TLN2: variants seen among roughly 807,000 people sequenced by gnomAD.
TLN2 encodes the protein talin-2.
TLN2 carries 118 observed loss-of-function variants against 294.7 expected under a neutral mutation model. The observed-to-expected ratio is 0.40, with a 90% CI of 0.34 to 0.47. TLN2 has a LOEUF of 0.47. Ranked by LOEUF, TLN2 falls within the 20% of genes least tolerant of loss-of-function variation. The pLI is 0.84. For missense variants in TLN2, 3,083 were observed against 3,282.2 expected (o/e 0.94, Z 1.48); for synonymous variants, 1,431 against 1,304.5 (o/e 1.10, Z -2.09).
chr15:62,421,519 T>G (rs955461250), intron 1 of TLN2, among the ~76,000 whole-genome samples: 1 of 152,174 alleles, frequency 6.6e-6, no homozygotes, highest in African/African-American at 2.4e-5. Context: ...ATCATGTCCT[T>G]TGCAGGAACA....
chr15:62,606,838 G>C (rs1346662779), intron 2 of TLN2, among the ~76,000 whole-genome samples: 1 of 152,156 alleles, frequency 6.6e-6, no homozygotes, highest in South Asian at 2.1e-4. Flanking sequence ...GTGTAGTGTG[G>C]AGTGAAGTGA....
chr15:62,648,345 C>T (rs1596486410), intron 4 of TLN2, among the ~76,000 whole-genome samples: 1 of 135,774 alleles, frequency 7.4e-6, no homozygotes, highest in Non-Finnish European at 1.5e-5. Flanking sequence ...TTTATGGCTG[C>T]AGCAAGCCAT....
chr15:62,719,664 G>A lies in TLN2; in HGVS notation c.2878-103G>A, dbSNP rs2060002751. ...AAGGTCTGGGGCTGGCGTCCCCTGG[G>A]AGTAGATGGCACATCCAAAAAGCGC... On this transcript the variant is annotated intron_variant, in intron 24 of 58. Coordinates refer to ENST00000636159, the MANE Select transcript of TLN2 (RefSeq NM_015059.3). 3 of 869,468 alleles carry A rather than the reference G, an allele frequency of 3.5e-6. No individual in the cohort carries two copies. The Admixed American group carries it at 8.9e-5, about 26-fold the overall frequency. 53.9% of individuals were successfully genotyped at this position (869,468 alleles called of 1,614,324 possible). A position where few individuals can be genotyped will look rare whatever the true frequency, so the allele number is the denominator to read the frequency against.
At chr15:62,822,699 G>A (rs1037152060) in intron 54 of TLN2, among the ~76,000 whole-genome samples, 9 of 152,156 alleles carry the variant, frequency 5.9e-5, no homozygotes, top group Non-Finnish European at 1.0e-4. Context: ...GCTACTCCTC[G>A]AAGGAATATT....
At chr15:62,505,833 G>C (rs545886426) in intron 1 of TLN2, among the ~76,000 whole-genome samples, 10 of 152,132 alleles carry the variant, frequency 6.6e-5, no homozygotes, top group Admixed American at 1.3e-4. Flanking sequence ...TATGATGGGG[G>C]GCGGACGGGG....
Position 62,841,038 on chromosome 15 carries a change from A to G in TLN2, c.*428A>G, listed in dbSNP as rs1401218977. 2.0e-5 allele frequency: 3 copies of G among 153,720 alleles called. No individual in the cohort carries two copies. The highest frequency in any genetic ancestry group is 4.4e-5 in the Non-Finnish European group (3 of 68,904). 9.5% of individuals were successfully genotyped at this position (153,720 alleles called of 1,614,324 possible). A position where few individuals can be genotyped will look rare whatever the true frequency, so the allele number is the denominator to read the frequency against. On this transcript the variant is annotated 3_prime_UTR_variant, in exon 59 of 59. Coordinates refer to ENST00000636159, the MANE Select transcript of TLN2 (RefSeq NM_015059.3). Reference sequence around the variant, plus strand: ...ATATTCTTCTTCCTCTCAGGAGAAGACGGAAGCTGGAGTTGGACATGGTTC... The same window carrying G: ...ATATTCTTCTTCCTCTCAGGAGAAGGCGGAAGCTGGAGTTGGACATGGTTC...
chr15:62,471,217 G>A (rs2037453982), intron 1 of TLN2, among the ~76,000 whole-genome samples: 1 of 152,160 alleles, frequency 6.6e-6, no homozygotes, highest in African/African-American at 2.4e-5. Context: ...TGTGCCTGTA[G>A]TCCCAGCTAC....
chr15:62,727,055 T>C, intron 27 of TLN2, 32 bp from the exon 28 acceptor site: 2 of 1,606,368 alleles, frequency 1.2e-6, no homozygotes, highest in Non-Finnish European at 1.7e-6. Flanking sequence ...CCTTTTCTTC[T>C]ACGTTCTTTC....
At chr15:62,651,947 A>C in intron 5 of TLN2, 58 bp from the exon 6 acceptor site, 1 of 1,489,356 alleles carries the variant, frequency 6.7e-7, no homozygotes, top group South Asian at 1.4e-5. Flanking sequence ...AAAAGTGTTC[A>C]AGTTTGTTAT....
chr15:62,675,150 A>G (rs111586674), intron 10 of TLN2, 67 bp from the exon 11 acceptor site: 4 of 1,443,394 alleles, frequency 2.8e-6, no homozygotes, highest in African/African-American at 1.4e-5. Context: ...TACAGTAACT[A>G]CCTCTCTCCA....
intron 9 of TLN2, among the ~76,000 whole-genome samples, chr15:62,662,035 A>C (rs1296984493): frequency 6.6e-6 from 1 of 152,192 alleles, no homozygotes; most frequent in African/African-American, 2.4e-5. Flanking sequence ...TACTTCCCTC[A>C]GTGAATGATT....
intron 34 of TLN2, among the ~76,000 whole-genome samples, chr15:62,751,267 A>G (rs2061926878): frequency 6.6e-6 from 1 of 152,224 alleles, no homozygotes. Context: ...GAGCTGTTGC[A>G]ATCTGGCTTT....
At chr15:62,539,899 CAAA>C (rs529006528) in intron 1 of TLN2, among the ~76,000 whole-genome samples, 8 of 111,168 alleles carry the variant, frequency 7.2e-5, no homozygotes, top group African/African-American at 6.5e-5. Context: ...CACAGGAGAC[CAAA>C]AAAAAAAAAA....
intron 58 of TLN2, among the ~76,000 whole-genome samples, 187 bp downstream of exon 58, chr15:62,839,168 T>C (rs1032822118): frequency 3.9e-5 from 6 of 152,218 alleles, no homozygotes; most frequent in African/African-American, 1.2e-4. Context: ...CCTGAGATGT[T>C]ACCCTTGGCC....
intron 4 of TLN2, 88 bp downstream of exon 4, chr15:62,647,534 C>T (rs1358527077): frequency 8.9e-6 from 14 of 1,568,086 alleles, no homozygotes; most frequent in Non-Finnish European, 1.1e-5. Context: ...CCAAGTGGTA[C>T]ACAAGCCTAT....
At chr15:62,695,836 TGC>T (rs1385312301) in intron 14 of TLN2, among the ~76,000 whole-genome samples, 14 of 152,246 alleles carry the variant, frequency 9.2e-5, no homozygotes, top group African/African-American at 3.4e-4. Flanking sequence ...CAGGGTGATC[TGC>T]GTCACTTCAG....
At chr15:62,484,424 GTTTTTTTTTTC>G (rs937617831) in intron 1 of TLN2, among the ~76,000 whole-genome samples, 4 of 149,434 alleles carry the variant, frequency 2.7e-5, no homozygotes, top group African/African-American at 9.8e-5. Context: ...AAGGACCATG[GTTTTTTTTTTC>G]TTTTTTTTGA....
chr15:62,764,714 C>T (rs2062884576), intron 40 of TLN2, among the ~76,000 whole-genome samples: 2 of 152,074 alleles, frequency 1.3e-5, no homozygotes, highest in African/African-American at 4.8e-5. Flanking sequence ...ATTACAGAAT[C>T]CTAGCACTTT....
chr15:62,801,663 C>T (rs965228811), intron 50 of TLN2, among the ~76,000 whole-genome samples: 31 of 152,160 alleles, frequency 2.0e-4, no homozygotes, highest in African/African-American at 6.5e-4. Flanking sequence ...ATTGATGTTG[C>T]GCTCAGTTCA....
Sources: allele counts gnomAD v4.1 joint callset (sites outside exome capture counted in the v4.1 genomes callset), GRCh38; gene constraint gnomAD v4.1.1; transcripts MANE v1.5; gene names NCBI Gene and HGNC (gene_info 2026-07-23, HGNC 2026-07-21).